Variants in C12orf42 observed in about 807,000 individuals in gnomAD.
C12orf42 encodes the protein uncharacterized protein C12orf42.
C12orf42 carries 25 observed loss-of-function variants against 21.6 expected under a neutral mutation model. The ratio of observed to expected loss-of-function variants is 1.16; its 90% confidence interval spans 0.84 to 1.62. The LOEUF is 1.62. C12orf42 is among the 40% of genes most tolerant of loss of function. The pLI is 0.00. For synonymous variants in C12orf42, 174 were observed against 175.0 expected (o/e 0.99, Z 0.05); for missense variants, 483 against 459.3 (o/e 1.05, Z -0.47).
the C12orf42 span, among the ~76,000 whole-genome samples, chr12:103,507,117 AT>A: frequency 2.1e-3 from 26 of 12,514 alleles, 1 homozygote; most frequent in Non-Finnish European, 2.4e-3. Flanking sequence ...ATAAATATAT[AT>A]TTATATATAA....
chr12:103,529,774 A>G, the C12orf42 span, among the ~76,000 whole-genome samples: 6 of 152,180 alleles, frequency 3.9e-5, no homozygotes, highest in Non-Finnish European at 8.8e-5. Context: ...GGCTATTTCA[A>G]TGGTGAGACA....
chr12:103,058,860 T>G, the C12orf42 span, among the ~76,000 whole-genome samples: 3 of 152,272 alleles, frequency 2.0e-5, no homozygotes, highest in East Asian at 1.9e-4. Flanking sequence ...TAGCACTAAG[T>G]TCCCATATCA....
chr12:103,458,302 TAGG>T (rs1952450602), intron 2 of C12orf42, among the ~76,000 whole-genome samples: 1 of 151,774 alleles, frequency 6.6e-6, no homozygotes, highest in African/African-American at 2.4e-5. Context: ...ACTCTGAAAC[TAGG>T]AGATTTGTAT....
intron 4 of C12orf42, among the ~76,000 whole-genome samples, chr12:103,334,800 T>C (rs989552245): frequency 6.6e-5 from 10 of 152,204 alleles, no homozygotes; most frequent in Non-Finnish European, 1.2e-4. Flanking sequence ...CCAACCACCA[T>C]ATGGCGAATA....
At chr12:103,130,319 G>A in the C12orf42 span, among the ~76,000 whole-genome samples, 1 of 150,890 alleles carries the variant, frequency 6.6e-6, no homozygotes. Flanking sequence ...AAGTTGGTCT[G>A]CCTTCAGAGA....
chr12:103,120,005 T>G, the C12orf42 span, among the ~76,000 whole-genome samples: 1 of 152,208 alleles, frequency 6.6e-6, no homozygotes. Context: ...CACACAGCAC[T>G]GGAGGCTGGG....
intron 4 of C12orf42, among the ~76,000 whole-genome samples, chr12:103,326,075 C>T (rs2040666810): frequency 6.6e-6 from 1 of 152,154 alleles, no homozygotes; most frequent in African/African-American, 2.4e-5. Flanking sequence ...AATTTCCTCA[C>T]AACAATTTGA....
the C12orf42 span, among the ~76,000 whole-genome samples, chr12:103,522,977 C>A: frequency 6.6e-6 from 1 of 152,194 alleles, no homozygotes; most frequent in African/African-American, 2.4e-5. Context: ...GTCTAGCAGG[C>A]TCTGTGGCTA....
At chr12:103,406,205 G>A (rs999042687) in intron 2 of C12orf42, among the ~76,000 whole-genome samples, 1 of 152,154 alleles carries the variant, frequency 6.6e-6, no homozygotes, top group Non-Finnish European at 1.5e-5. Context: ...CACCTGAGGA[G>A]TAGCTAAAAT....
At chr12:103,092,558 A>T in the C12orf42 span, among the ~76,000 whole-genome samples, 1 of 152,194 alleles carries the variant, frequency 6.6e-6, no homozygotes, top group Non-Finnish European at 1.5e-5. Context: ...TTCACAATTC[A>T]TCTGAGACAT....
chr12:103,266,272 A>G (rs2035165467), downstream of C12orf42, among the ~76,000 whole-genome samples: 1 of 152,200 alleles, frequency 6.6e-6, no homozygotes, highest in Non-Finnish European at 1.5e-5. Context: ...AAAGAGAAAG[A>G]TACATAAAAC....
intron 2 of C12orf42, among the ~76,000 whole-genome samples, chr12:103,434,601 G>A (rs1950523466): frequency 6.6e-6 from 1 of 152,174 alleles, no homozygotes; most frequent in Non-Finnish European, 1.5e-5. Context: ...AGCACAAGGG[G>A]TCAGGGAGTT....
intron 10 of C12orf42, among the ~76,000 whole-genome samples, chr12:103,249,589 T>A (rs2034185679): frequency 6.6e-6 from 1 of 152,064 alleles, no homozygotes; most frequent in African/African-American, 2.4e-5. Context: ...CTCCTATTCT[T>A]ACACTATCCC....
chr12:103,272,495 C>T (rs949015156), intron 5 of C12orf42, among the ~76,000 whole-genome samples: 1 of 152,104 alleles, frequency 6.6e-6, no homozygotes, highest in African/African-American at 2.4e-5. Flanking sequence ...GAGTACATAA[C>T]CATTATGTTG....
At chr12:103,274,936 T>C (rs1034029317) in intron 5 of C12orf42, among the ~76,000 whole-genome samples, 1 of 152,144 alleles carries the variant, frequency 6.6e-6, no homozygotes, top group Non-Finnish European at 1.5e-5. Context: ...ATATCTTCAC[T>C]GCTTGGTTCT....
intron 4 of C12orf42, among the ~76,000 whole-genome samples, chr12:103,332,461 C>A (rs2137072599): frequency 6.6e-6 from 1 of 152,258 alleles, no homozygotes; most frequent in African/African-American, 2.4e-5. Flanking sequence ...GCTGACACAC[C>A]CATTTTAAAA....
intron 10 of C12orf42, among the ~76,000 whole-genome samples, chr12:103,248,216 C>A (rs1003810380): frequency 6.6e-6 from 1 of 151,886 alleles, no homozygotes; most frequent in Non-Finnish European, 1.5e-5. Flanking sequence ...CTTTGTAAAA[C>A]AATGAATCCA....
At chr12:103,068,317 A>C in the C12orf42 span, among the ~76,000 whole-genome samples, 1 of 152,154 alleles carries the variant, frequency 6.6e-6, no homozygotes. Context: ...AAGTATTGTT[A>C]CTTAAATATG....
At chr12:103,178,926 T>A in the C12orf42 span, among the ~76,000 whole-genome samples, 1 of 152,110 alleles carries the variant, frequency 6.6e-6, no homozygotes, top group Non-Finnish European at 1.5e-5. Flanking sequence ...ACTCGCCGAG[T>A]GTTTTGATCT....
Sources: allele counts gnomAD v4.1 joint callset (sites outside exome capture counted in the v4.1 genomes callset), GRCh38; gene constraint gnomAD v4.1.1; transcripts MANE v1.5; gene names NCBI Gene and HGNC (gene_info 2026-07-23, HGNC 2026-07-21).